The following DYNC1I1 variants were observed in gnomAD, a reference collection of about 807,000 sequenced individuals.
DYNC1I1 encodes the protein cytoplasmic dynein 1 intermediate chain 1.
Under a neutral mutation model 86.6 loss-of-function variants are expected in DYNC1I1, and 43 were observed. That is an observed-to-expected ratio of 0.50 (90% CI 0.39 to 0.64). DYNC1I1 has a LOEUF of 0.64. Ranked by LOEUF, DYNC1I1 falls within the 30% of genes least tolerant of loss-of-function variation. DYNC1I1 has a pLI of 0.00. For missense variants in DYNC1I1, 604 were observed against 788.8 expected (o/e 0.77, Z 2.81); for synonymous variants, 262 against 283.7 (o/e 0.92, Z 0.77).
chr7:96,032,923 TCAG>T, intron 12 of DYNC1I1, 143 bp downstream of exon 12: 1 of 633,924 alleles, frequency 1.6e-6, no homozygotes, highest in Non-Finnish European at 2.7e-6. Context: ...GGGCCTGCTT[TCAG>T]CAATCTTCTC....
rs1022568972 is a variant in DYNC1I1, at chr7:95,986,970, G to A, written c.744-86G>A. The A allele has an allele frequency of 7.5e-6, 9 of 1,197,012 alleles. No homozygotes were observed. In the African/African-American group the frequency reaches 1.1e-4, roughly 14 times the overall value. The allele number at this position is 1,197,012 out of a possible 1,614,324, so 74.1% of individuals were successfully genotyped here. A position where few individuals can be genotyped will look rare whatever the true frequency, so the allele number is the denominator to read the frequency against. ...ATTTTGGCCTCAGAGAGTATTGTGTGCCAGGCTTTTGCCATATCAGTGCTT... is the reference window on the plus strand; with the variant it reads ...ATTTTGGCCTCAGAGAGTATTGTGTACCAGGCTTTTGCCATATCAGTGCTT... On this transcript the variant is annotated intron_variant, in intron 8 of 16. Coordinates refer to ENST00000447467, the MANE Select transcript of DYNC1I1 (RefSeq NM_001135556.2).
In DYNC1I1 at chr7:95,987,088, A is replaced by G. The variant is rs780509369; in HGVS notation, c.776A>G (p.Asn259Ser). The change falls in exon 9 of 17, where the codon AAT (asparagine) becomes AGT (serine). Residue 259 changes from asparagine (N) to serine (S), a missense_variant. Asn to Ser is a conservative substitution (Grantham distance 46). Coordinates refer to ENST00000447467, the MANE Select transcript of DYNC1I1 (RefSeq NM_001135556.2). ...CAGGCTGGAGCCAATCTTTCTTTCA[A>G]TCGTCAGTTCTATGATGAACATTGG... ...DVQAGANLSF[N>S]RQFYDEHWSK... The G allele has an allele frequency of 6.8e-6, 11 of 1,613,770 alleles. No individual in the cohort carries two copies. The South Asian group carries it at 8.8e-5, about 13-fold the overall frequency.
At chr7:95,916,375 A>C (rs556997157) in intron 6 of DYNC1I1, among the ~76,000 whole-genome samples, 13 of 151,854 alleles carry the variant, frequency 8.6e-5, no homozygotes, top group Non-Finnish European at 1.8e-4. Context: ...GAGTGGAAAA[A>C]CTGGCCTAAA....
At chr7:95,804,644 C>A (rs1794661169) in intron 1 of DYNC1I1, 77 bp from the exon 2 acceptor site, 1 of 1,396,752 alleles carries the variant, frequency 7.2e-7, no homozygotes, top group Non-Finnish European at 9.5e-7. Context: ...GTTGCATTTT[C>A]TTTAAAATGA....
chr7:96,020,080 A>G (rs1293150956), intron 10 of DYNC1I1, among the ~76,000 whole-genome samples: 1 of 145,848 alleles, frequency 6.9e-6, no homozygotes, highest in Non-Finnish European at 1.5e-5. Flanking sequence ...TAGAATGGCT[A>G]GTACTAAAAA....
At chr7:95,968,371 T>C (rs62467717) in intron 6 of DYNC1I1, among the ~76,000 whole-genome samples, 9,765 of 152,246 alleles carry the variant, frequency 0.064, 387 homozygotes, top group Non-Finnish European at 0.091. Flanking sequence ...CTAACATTAA[T>C]AGTCAGAGAT....
intron 14 of DYNC1I1, among the ~76,000 whole-genome samples, chr7:96,060,266 A>G (rs77439321): frequency 0.058 from 8,870 of 152,092 alleles, 410 homozygotes; most frequent in African/African-American, 0.14. Context: ...TGGTTCCTGG[A>G]TGTGGTCTCT....
chr7:95,994,673 C>T (rs1052924774), intron 9 of DYNC1I1, among the ~76,000 whole-genome samples: 16 of 152,184 alleles, frequency 1.1e-4, no homozygotes, highest in African/African-American at 3.1e-4. Context: ...TATTAAGGAT[C>T]CTCTGTGACC....
chr7:96,050,021 C>CAAAAAAAA (rs1325932449), intron 14 of DYNC1I1, among the ~76,000 whole-genome samples: 27 of 132,370 alleles, frequency 2.0e-4, no homozygotes, highest in African/African-American at 7.6e-4. Flanking sequence ...GACTCCATCT[C>CAAAAAAAA]AAAAAAAACA....
intron 10 of DYNC1I1, among the ~76,000 whole-genome samples, chr7:96,005,630 G>T (rs551523092): frequency 6.6e-6 from 1 of 152,258 alleles, no homozygotes; most frequent in East Asian, 1.9e-4. Context: ...TCCTGGAAAA[G>T]AACTGCTGTA....
intron 6 of DYNC1I1, among the ~76,000 whole-genome samples, chr7:95,945,004 C>A (rs1792357431): frequency 6.8e-6 from 1 of 147,886 alleles, no homozygotes; most frequent in African/African-American, 2.5e-5. Flanking sequence ...GCACATGTAC[C>A]CTAAAACTTA....
intron 9 of DYNC1I1, among the ~76,000 whole-genome samples, chr7:95,990,788 G>T (rs898971257): frequency 6.6e-6 from 1 of 152,114 alleles, no homozygotes; most frequent in Non-Finnish European, 1.5e-5. Flanking sequence ...CCAACACTTT[G>T]GGAGGCCACA....
intron 14 of DYNC1I1, among the ~76,000 whole-genome samples, chr7:96,045,687 A>G (rs1370448469): frequency 1.3e-5 from 2 of 152,188 alleles, no homozygotes; most frequent in Non-Finnish European, 2.9e-5. Flanking sequence ...GGGCAGAGCT[A>G]GGATTCCACT....
intron 16 of DYNC1I1, among the ~76,000 whole-genome samples, chr7:96,107,810 G>A (rs892597957): frequency 6.0e-5 from 9 of 150,940 alleles, no homozygotes; most frequent in Non-Finnish European, 1.3e-4. Context: ...ACAGGCGTGA[G>A]CCACCACGCC....
intron 6 of DYNC1I1, among the ~76,000 whole-genome samples, chr7:95,932,589 A>G (rs1213742558): frequency 6.6e-6 from 1 of 152,222 alleles, no homozygotes; most frequent in Admixed American, 6.5e-5. Flanking sequence ...CACACTGCAT[A>G]TATTAGAAAC....
Position 96,076,138 on chromosome 7 carries a change from T to C in DYNC1I1, c.1591T>C (p.Phe531Leu), listed in dbSNP as rs1422377802. The change falls in exon 15 of 17, where the codon TTT becomes CTT. Residue 531 changes from phenylalanine to leucine, a missense_variant. By Grantham distance (22) the Phe-to-Leu change is conservative. Transcript: ENST00000447467. ...GTGGTCCCCCGTGCATCCTGCGCTT[T>C]TTGCCTGCGTGGACGGGATGGGGCG... is the stretch of plus-strand genomic sequence containing the variant. Reference protein sequence around the residue: ...VMWSPVHPALFACVDGMGRLD... With the variant: ...VMWSPVHPALLACVDGMGRLD... 6.2e-7 allele frequency: 1 copy of C among 1,614,186 alleles called. No homozygotes were observed. The highest frequency in any genetic ancestry group is 8.5e-7 in the Non-Finnish European group (1 of 1,180,032).
intron 16 of DYNC1I1, among the ~76,000 whole-genome samples, chr7:96,081,228 A>T (rs1424610676): frequency 6.6e-6 from 1 of 151,916 alleles, no homozygotes; most frequent in African/African-American, 2.4e-5. Context: ...ATTTTGTGCC[A>T]CTTGGTGGTA....
intron 1 of DYNC1I1, among the ~76,000 whole-genome samples, chr7:95,784,524 G>A (rs1248976762): frequency 6.6e-6 from 1 of 152,122 alleles, no homozygotes; most frequent in Non-Finnish European, 1.5e-5. Context: ...TGCAAAGTGG[G>A]GGCAACTTGA....
At chr7:96,050,465 T>C (rs2299281) in intron 14 of DYNC1I1, among the ~76,000 whole-genome samples, 22,861 of 152,210 alleles carry the variant, frequency 0.15, 1,930 homozygotes, top group South Asian at 0.3. Context: ...CAATTCTCTT[T>C]GTGATTTGAA....
Sources: allele counts gnomAD v4.1 joint callset (sites outside exome capture counted in the v4.1 genomes callset), GRCh38; gene constraint gnomAD v4.1.1; transcripts MANE v1.5; gene names NCBI Gene and HGNC (gene_info 2026-07-23, HGNC 2026-07-21).